DNER: variants seen among roughly 807,000 people sequenced by gnomAD.
DNER encodes the protein delta/notch like EGF repeat containing.
DNER carries 33 observed loss-of-function variants against 78.2 expected under a neutral mutation model. The observed-to-expected ratio is 0.42, with a 90% CI of 0.32 to 0.56. DNER has a LOEUF of 0.56. DNER is among the 20% of genes least tolerant of loss of function. The pLI is 0.11. For missense variants in DNER, 918 were observed against 975.3 expected, an observed-to-expected ratio of 0.94 and a Z score of 0.78; for synonymous variants, 417 against 384.8, an observed-to-expected ratio of 1.08 and a Z score of -0.98.
chr2:229,568,574 G>C (rs1333554893), intron 4 of DNER, among the ~76,000 whole-genome samples: 1 of 152,124 alleles, frequency 6.6e-6, no homozygotes, highest in Non-Finnish European at 1.5e-5. Flanking sequence ...TGTAGTCATG[G>C]ATATTAACTA....
At chr2:229,492,975 C>G (rs80014430) in intron 6 of DNER, among the ~76,000 whole-genome samples, 18,985 of 152,124 alleles carry the variant, frequency 0.12, 1,325 homozygotes, top group South Asian at 0.2. Flanking sequence ...CCAGCCTAAC[C>G]TACTTTTTAA....
chr2:229,445,742 C>T (rs1320926286), intron 8 of DNER, among the ~76,000 whole-genome samples: 1 of 147,892 alleles, frequency 6.8e-6, no homozygotes, highest in Non-Finnish European at 1.5e-5. Flanking sequence ...CACACAATTG[C>T]ATGAGCCAGT....
chr2:229,639,597 C>A (rs1698582818), intron 1 of DNER, among the ~76,000 whole-genome samples: 1 of 152,176 alleles, frequency 6.6e-6, no homozygotes, highest in South Asian at 2.1e-4. Flanking sequence ...TCTTGAAACA[C>A]TCAAGGACAT....
At chr2:229,371,819 G>A (rs1019718979) in intron 11 of DNER, among the ~76,000 whole-genome samples, 9 of 152,138 alleles carry the variant, frequency 5.9e-5, no homozygotes, top group African/African-American at 2.2e-4. Flanking sequence ...AAAAGAGCAA[G>A]TTATTTTTAA....
rs112153197 is a variant in DNER, at chr2:229,477,004, A to G, written c.1261+136T>C. ...GAGCTAAAAAGGGGGACTATCTTCT[A>G]TTTTTGTTTTATAAATCAAACAAAA... On this transcript the variant is annotated intron_variant, in intron 7 of 12. Coordinates refer to ENST00000341772, the MANE Select transcript of DNER (RefSeq NM_139072.4). 6.5e-4 allele frequency: 411 copies of G among 636,480 alleles called. 1 individual carries two copies. The highest frequency in any genetic ancestry group is 1.8e-3 in the Middle Eastern group (4 of 2,268). 39.4% of individuals were successfully genotyped at this position (636,480 alleles called of 1,614,324 possible).
intron 5 of DNER, among the ~76,000 whole-genome samples, chr2:229,519,751 A>G (rs1220784150): frequency 6.6e-6 from 1 of 151,954 alleles, no homozygotes; most frequent in Non-Finnish European, 1.5e-5. Flanking sequence ...CTAGGTCAAA[A>G]CTCTGGCTAA....
intron 10 of DNER, among the ~76,000 whole-genome samples, chr2:229,399,122 C>T (rs1693210737): frequency 6.6e-6 from 1 of 151,750 alleles, no homozygotes; most frequent in Admixed American, 6.6e-5. Context: ...AATAAAACTG[C>T]CGCTCTTTTC....
At chr2:229,680,424 G>C (rs1699366124) in intron 1 of DNER, among the ~76,000 whole-genome samples, 2 of 152,176 alleles carry the variant, frequency 1.3e-5, no homozygotes, top group Non-Finnish European at 2.9e-5. Flanking sequence ...CCTACCAGTA[G>C]ACTGGAAGTA....
chr2:229,650,839 T>G (rs1698803653), intron 1 of DNER, among the ~76,000 whole-genome samples: 2 of 152,226 alleles, frequency 1.3e-5, no homozygotes. Flanking sequence ...TGGCTGGTTC[T>G]GAAGGGCCCT....
intron 1 of DNER, among the ~76,000 whole-genome samples, chr2:229,711,020 CAG>C (rs2154217896): frequency 6.6e-6 from 1 of 151,072 alleles, no homozygotes; most frequent in Non-Finnish European, 1.5e-5. Context: ...CACACACACA[CAG>C]GATACAAAAA....
At chr2:229,395,767 G>A (rs560456331) in intron 10 of DNER, among the ~76,000 whole-genome samples, 1 of 152,158 alleles carries the variant, frequency 6.6e-6, no homozygotes, top group East Asian at 1.9e-4. Flanking sequence ...GGGCGTGGTG[G>A]CACACCTGTA....
At chr2:229,394,236 G>C (rs559810435) in intron 10 of DNER, among the ~76,000 whole-genome samples, 3 of 152,216 alleles carry the variant, frequency 2.0e-5, no homozygotes, top group African/African-American at 7.2e-5. Flanking sequence ...AAACAACCTT[G>C]ATGTTATTGT....
At chr2:229,386,006 T>C (rs1292696015) in intron 11 of DNER, among the ~76,000 whole-genome samples, 2 of 152,112 alleles carry the variant, frequency 1.3e-5, no homozygotes, top group East Asian at 3.9e-4. Context: ...AGAGCCTGCA[T>C]AGCCAAGACA....
chr2:229,367,768 G>A (rs1163131988), intron 11 of DNER, among the ~76,000 whole-genome samples: 3 of 152,176 alleles, frequency 2.0e-5, no homozygotes, highest in African/African-American at 7.2e-5. Context: ...AGTTGGAAGG[G>A]TACCCAGAAA....
chr2:229,499,618 G>GA (rs61031913), intron 6 of DNER, among the ~76,000 whole-genome samples: 41,968 of 144,890 alleles, frequency 0.29, 6,002 homozygotes, highest in Admixed American at 0.34. Flanking sequence ...CTGTTAAACA[G>GA]AAAAAAAAAA....
intron 1 of DNER, among the ~76,000 whole-genome samples, chr2:229,679,060 T>A (rs1042382398): frequency 2.0e-5 from 3 of 152,154 alleles, no homozygotes; most frequent in Non-Finnish European, 4.4e-5. Flanking sequence ...CCCTTTTTAA[T>A]ACTCACTTAC....
intron 2 of DNER, 117 bp from the exon 3 acceptor site, chr2:229,588,605 G>A (rs962727519): frequency 2.0e-5 from 15 of 757,466 alleles, no homozygotes; most frequent in Non-Finnish European, 3.0e-5. Context: ...GCGGGGGTAG[G>A]GCTAGAGAGG....
At chr2:229,568,233 T>C (rs1697148476) in intron 4 of DNER, among the ~76,000 whole-genome samples, 1 of 152,234 alleles carries the variant, frequency 6.6e-6, no homozygotes. Flanking sequence ...TTAATTTTTT[T>C]AGAGATGATG....
At position 229,462,517 on chromosome 2, in the gene DNER, T is replaced by A. The variant is rs1053755407; in HGVS notation, c.1261+14623A>T. On this transcript the variant is annotated intron_variant, in intron 7 of 12. Transcript: ENST00000341772. The stretch of plus-strand genomic sequence containing the variant: ...CAATTAGTGGATCTTATAGACACTA[T>A]CTCCAAAATACATCATGAACCCAAA... Among the ~76,000 whole-genome samples, 15 of 152,030 alleles carry A rather than the reference T, an allele frequency of 9.9e-5. 1 individual carries two copies.
Sources: gnomAD v4.1 joint callset for allele counts (sites outside exome capture counted in the v4.1 genomes callset) on GRCh38, gnomAD v4.1.1 for gene constraint, MANE v1.5 for transcripts, NCBI Gene and HGNC (gene_info 2026-07-23, HGNC 2026-07-21) for gene names.